Variants in TSPAN18 observed in about 807,000 individuals in gnomAD.
TSPAN18 encodes the protein tetraspanin-18.
Under a neutral mutation model 27.3 loss-of-function variants are expected in TSPAN18, and 14 were observed. That is an observed-to-expected ratio of 0.51 (90% CI 0.34 to 0.80). The LOEUF is 0.80. Ranked by LOEUF, TSPAN18 falls within the 30% of genes least tolerant of loss-of-function variation. The pLI, the probability that TSPAN18 is intolerant of heterozygous loss-of-function variation, is 0.01. For synonymous variants in TSPAN18, 143 were observed against 136.5 expected, an observed-to-expected ratio of 1.05 and a Z score of -0.33; for missense variants, 268 against 323.9, an observed-to-expected ratio of 0.83 and a Z score of 1.32.
At chr11:44,906,367 G>T (rs1859452305) in intron 3 of TSPAN18, 40 bp from the exon 4 acceptor site, 1 of 1,601,868 alleles carries the variant, frequency 6.2e-7, no homozygotes, top group Non-Finnish European at 8.6e-7. Flanking sequence ...CCTGGGTGGG[G>T]TCCCCCATCG....
At chr11:44,923,408 A>G (rs908525226) in intron 8 of TSPAN18, among the ~76,000 whole-genome samples, 1 of 152,042 alleles carries the variant, frequency 6.6e-6, no homozygotes, top group Non-Finnish European at 1.5e-5. Flanking sequence ...GGCTGGGGAG[A>G]GGCTCCCCGC....
chr11:44,919,549 G>C, intron 7 of TSPAN18: 1 of 609,638 alleles, frequency 1.6e-6, no homozygotes, highest in Non-Finnish European at 2.9e-6. Context: ...TCATTATGAT[G>C]ATGATAATAA....
At chr11:44,753,165 A>G (rs969206446) in intron 1 of TSPAN18, among the ~76,000 whole-genome samples, 5 of 152,038 alleles carry the variant, frequency 3.3e-5, no homozygotes, top group Non-Finnish European at 5.9e-5. Flanking sequence ...GTCTTACTCT[A>G]TCACTCAGGC....
chr11:44,818,880 C>G (rs984523050), intron 2 of TSPAN18, among the ~76,000 whole-genome samples: 1 of 152,078 alleles, frequency 6.6e-6, no homozygotes, highest in Non-Finnish European at 1.5e-5. Flanking sequence ...ACTAACAGCA[C>G]GTGGCCTGAC....
At chr11:44,888,053 G>A (rs552374295) in intron 3 of TSPAN18, among the ~76,000 whole-genome samples, 4 of 152,302 alleles carry the variant, frequency 2.6e-5, no homozygotes, top group African/African-American at 9.6e-5. Context: ...CCCACTCTGA[G>A]GCTTGGCTGT....
intron 1 of TSPAN18, among the ~76,000 whole-genome samples, chr11:44,763,088 C>G (rs925377543): frequency 6.6e-6 from 1 of 152,290 alleles, no homozygotes; most frequent in Middle Eastern, 3.4e-3. Flanking sequence ...GCTCACAGTC[C>G]TCATTCCTGA....
chr11:44,739,167 G>A (rs1475368313), intron 1 of TSPAN18, among the ~76,000 whole-genome samples: 2 of 152,184 alleles, frequency 1.3e-5, no homozygotes, highest in Non-Finnish European at 2.9e-5. Context: ...AGGGGATGGG[G>A]ACCTTTACTT....
intron 1 of TSPAN18, among the ~76,000 whole-genome samples, chr11:44,757,611 T>C (rs1358054111): frequency 3.3e-5 from 5 of 152,162 alleles, no homozygotes; most frequent in Non-Finnish European, 7.3e-5. Flanking sequence ...TCTTGGACTC[T>C]TGGGCTCAAG....
chr11:44,736,336 C>T (rs1460054483), intron 1 of TSPAN18: 3 of 152,194 alleles, frequency 2.0e-5, no homozygotes, highest in East Asian at 1.9e-4. Flanking sequence ...GTTGGAGCTA[C>T]AATGTTTTCT....
intron 2 of TSPAN18, among the ~76,000 whole-genome samples, chr11:44,799,349 C>A (rs11038148): frequency 0.016 from 2,447 of 152,300 alleles, 71 homozygotes; most frequent in African/African-American, 0.057. Context: ...CCCTTGCACA[C>A]CCTATACCTT....
intron 8 of TSPAN18, among the ~76,000 whole-genome samples, chr11:44,921,681 C>T (rs1860142377): frequency 6.6e-6 from 1 of 152,182 alleles, no homozygotes. Context: ...CAGCGGCCAC[C>T]ATAGCGTGGG....
chr11:44,807,868 G>T (rs1172989583), intron 2 of TSPAN18, among the ~76,000 whole-genome samples: 1 of 152,210 alleles, frequency 6.6e-6, no homozygotes, highest in Non-Finnish European at 1.5e-5. Flanking sequence ...GATATGGGCT[G>T]CATGTAGCCT....
intron 2 of TSPAN18, among the ~76,000 whole-genome samples, chr11:44,779,558 CA>C (rs776090108): frequency 4.6e-5 from 7 of 152,254 alleles, no homozygotes; most frequent in Admixed American, 2.0e-4. Flanking sequence ...AGTATACCAC[CA>C]TGGCCTTGTG....
chr11:44,841,938 G>A (rs574694210), intron 2 of TSPAN18, among the ~76,000 whole-genome samples: 2 of 152,324 alleles, frequency 1.3e-5, no homozygotes, highest in South Asian at 4.1e-4. Flanking sequence ...ATTTTAAGAG[G>A]TGAGCCGTCT....
intron 2 of TSPAN18, among the ~76,000 whole-genome samples, chr11:44,848,731 G>A (rs188365565): frequency 8.2e-4 from 125 of 152,326 alleles, no homozygotes; most frequent in Non-Finnish European, 1.2e-3. Flanking sequence ...CTCTTTCTTC[G>A]GAGCTGCCTC....
At chr11:44,869,405 G>T (rs1460069746) in intron 3 of TSPAN18, among the ~76,000 whole-genome samples, 1 of 152,150 alleles carries the variant, frequency 6.6e-6, no homozygotes, top group Non-Finnish European at 1.5e-5. Flanking sequence ...GTCTAAAATG[G>T]GTTTGGTAAA....
At chr11:44,763,147 C>A (rs1319521601) in intron 1 of TSPAN18, among the ~76,000 whole-genome samples, 1 of 152,202 alleles carries the variant, frequency 6.6e-6, no homozygotes, top group Non-Finnish European at 1.5e-5. Context: ...GGTTGATCAT[C>A]ATTATCATTC....
At chr11:44,770,275 C>A (rs1855661610) in intron 2 of TSPAN18, among the ~76,000 whole-genome samples, 1 of 152,064 alleles carries the variant, frequency 6.6e-6, no homozygotes, top group Admixed American at 6.6e-5. Flanking sequence ...CAGGGAATGA[C>A]TCGGGTGGTG....
chr11:44,902,759 C>T (rs984175808), intron 3 of TSPAN18, among the ~76,000 whole-genome samples: 2 of 152,160 alleles, frequency 1.3e-5, no homozygotes, highest in Non-Finnish European at 2.9e-5. Flanking sequence ...TCAGGAAGAC[C>T]TGAGGAGAGA....
Sources: allele counts gnomAD v4.1 joint callset (sites outside exome capture counted in the v4.1 genomes callset), GRCh38; gene constraint gnomAD v4.1.1; transcripts MANE v1.5; gene names NCBI Gene and HGNC (gene_info 2026-07-23, HGNC 2026-07-21).